The following SYT16 variants were observed in gnomAD, a reference collection of about 807,000 sequenced individuals.
SYT16 encodes the protein synaptotagmin-16.
In SYT16, 42 loss-of-function variants were observed where a neutral mutation model predicts 61.4. The observed-to-expected ratio is 0.68, with a 90% confidence interval of 0.53 to 0.89. SYT16 has a LOEUF of 0.89. Among genes scored for constraint, SYT16 ranks in the 40% least tolerant of loss-of-function variants. The pLI is 0.00. For synonymous variants in SYT16, 314 were observed against 302.3 expected, an observed-to-expected ratio of 1.04 and a Z score of -0.40; for missense variants, 804 against 807.3, an observed-to-expected ratio of 1.00 and a Z score of 0.05.
At chr14:61,831,901 G>A in intron 1 of SYT16, 4 of 487,938 alleles carry the variant, frequency 8.2e-6, no homozygotes, top group Non-Finnish European at 1.6e-5. Flanking sequence ...CCACTTGGCT[G>A]GCGAAGCCCT....
chr14:61,827,488 T>C lies in SYT16; in HGVS notation c.-325+14678T>C, dbSNP rs548390445. On this transcript the variant is annotated intron_variant, in intron 1 of 7. Coordinates refer to ENST00000683842, the MANE Select transcript of SYT16 (RefSeq NM_001367656.1). ...TTGGTTTTTACCTTAAAAAAATACT[T>C]TTCTCTAAGAAATCTGAGGTGCAGC... is the stretch of plus-strand genomic sequence containing the variant. Among the ~76,000 whole-genome samples, 14 of 152,358 alleles carry C rather than the reference T, an allele frequency of 9.2e-5. No individual in the cohort carries two copies. The South Asian group carries it at 1.2e-3, about 14-fold the overall frequency.
intron 2 of SYT16, among the ~76,000 whole-genome samples, chr14:61,979,774 C>A (rs2051986709): frequency 6.6e-6 from 1 of 151,942 alleles, no homozygotes. Flanking sequence ...CCCTGCTACC[C>A]AGGAGGCTGA....
intron 1 of SYT16, among the ~76,000 whole-genome samples, chr14:61,885,956 C>T (rs979426435): frequency 3.3e-5 from 5 of 150,712 alleles, no homozygotes; most frequent in African/African-American, 1.2e-4. Flanking sequence ...GTTGAGGAGG[C>T]TGTGGCAATT....
At chr14:61,964,360 C>A (rs545263924) in intron 1 of SYT16, among the ~76,000 whole-genome samples, 18 of 152,116 alleles carry the variant, frequency 1.2e-4, no homozygotes, top group African/African-American at 3.9e-4. Flanking sequence ...TGATTCTAAC[C>A]CTCTTGGATG....
intron 2 of SYT16, among the ~76,000 whole-genome samples, chr14:61,985,319 A>C (rs2052257511): frequency 1.3e-5 from 2 of 152,190 alleles, no homozygotes; most frequent in South Asian, 2.1e-4. Flanking sequence ...AGAGACTTTC[A>C]ATTTATGAAT....
At chr14:61,858,628 C>T (rs895981990) in intron 1 of SYT16, among the ~76,000 whole-genome samples, 16 of 152,236 alleles carry the variant, frequency 1.1e-4, no homozygotes, top group African/African-American at 2.9e-4. Flanking sequence ...TGGCATAAGT[C>T]GCACCAAGGA....
chr14:62,047,183 C>T (rs1471067537), intron 3 of SYT16, among the ~76,000 whole-genome samples: 1 of 152,126 alleles, frequency 6.6e-6, no homozygotes, highest in Non-Finnish European at 1.5e-5. Flanking sequence ...TTGAAGAGGT[C>T]CTTCACATCC....
Position 61,812,769 on chromosome 14 carries a change from CGGCCGTCGGGCAGCCCCCT to C in SYT16, c.-365_-347del. Reference sequence around the variant, plus strand: ...TCGGCGCCGGTTTCCCGAACCTGGGCGGCCGTCGGGCAGCCCCCTCGTCCGACCATGGCGACTGACAGTG... The same window carrying C: ...TCGGCGCCGGTTTCCCGAACCTGGGCCGTCCGACCATGGCGACTGACAGTG... On this transcript the variant is annotated 5_prime_UTR_variant, in exon 1 of 8. Coordinates refer to ENST00000683842, the MANE Select transcript of SYT16 (RefSeq NM_001367656.1). 6.6e-6 allele frequency: 1 copy of C among 151,564 alleles called. No homozygotes were observed. The highest frequency in any genetic ancestry group is 6.6e-5 in the Admixed American group (1 of 15,230). 9.4% of individuals were successfully genotyped at this position (151,564 alleles called of 1,614,324 possible).
intron 1 of SYT16, among the ~76,000 whole-genome samples, chr14:61,885,192 G>A (rs1473830116): frequency 6.6e-6 from 1 of 152,102 alleles, no homozygotes; most frequent in Non-Finnish European, 1.5e-5. Flanking sequence ...TAAGATCATG[G>A]GCTCTTGAAC....
At chr14:62,085,668 C>T (rs879265895) in intron 7 of SYT16, among the ~76,000 whole-genome samples, 1 of 152,100 alleles carries the variant, frequency 6.6e-6, no homozygotes, top group Non-Finnish European at 1.5e-5. Flanking sequence ...TCTTGTTAGT[C>T]AACTTGTATG....
chr14:61,909,022 C>T (rs570181916), intron 1 of SYT16, among the ~76,000 whole-genome samples: 6 of 152,244 alleles, frequency 3.9e-5, no homozygotes, highest in Admixed American at 3.9e-4. Context: ...GGAGGTCTCC[C>T]TGTATTGTCC....
intron 3 of SYT16, among the ~76,000 whole-genome samples, chr14:62,049,575 T>A (rs1217254003): frequency 6.6e-6 from 1 of 152,236 alleles, no homozygotes; most frequent in Non-Finnish European, 1.5e-5. Context: ...CTAGCCTTGA[T>A]GGTCTTTACA....
chr14:61,945,340 A>T lies in SYT16; in HGVS notation c.-324-24792A>T, dbSNP rs2050380739. ...AAGACAGTGTGGTGATTCCTCAAGG[A>T]TCTAGAACCAGAAATACCATTTGAC... On this transcript the variant is annotated intron_variant, in intron 1 of 7. Transcript: ENST00000683842. Among the ~76,000 whole-genome samples the T allele has an allele frequency of 5.3e-5, 8 of 152,200 alleles. No individual in the cohort carries two copies. The South Asian group carries it at 1.7e-3, about 32-fold the overall frequency.
chr14:61,871,223 G>T (rs1436340431), intron 1 of SYT16, among the ~76,000 whole-genome samples: 37 of 151,388 alleles, frequency 2.4e-4, no homozygotes, highest in Non-Finnish European at 5.9e-5. Flanking sequence ...AGTATTTTTT[G>T]CCCACTGGCT....
chr14:61,963,020 ACTG>A (rs1260439656), intron 1 of SYT16, among the ~76,000 whole-genome samples: 7 of 152,230 alleles, frequency 4.6e-5, no homozygotes. Context: ...AATTTCTAGA[ACTG>A]CAATAGTGTC....
intron 3 of SYT16, among the ~76,000 whole-genome samples, chr14:62,050,194 C>T (rs185447763): frequency 3.9e-5 from 6 of 152,274 alleles, no homozygotes; most frequent in Non-Finnish European, 7.3e-5. Context: ...TTTCTCTAAA[C>T]TTCTCTTCTC....
chr14:61,904,949 A>AG (rs141640434), intron 1 of SYT16, among the ~76,000 whole-genome samples: 1,557 of 152,350 alleles, frequency 0.01, 31 homozygotes, highest in African/African-American at 0.036. Context: ...AAGGAGGTGA[A>AG]GGAATAATCA....
chr14:62,091,045 A>G (rs1389004998), intron 7 of SYT16, among the ~76,000 whole-genome samples: 2 of 152,180 alleles, frequency 1.3e-5, no homozygotes, highest in Non-Finnish European at 2.9e-5. Context: ...GGGAGCCACA[A>G]TTCAAGATGA....
intron 7 of SYT16, among the ~76,000 whole-genome samples, chr14:62,091,894 TAATAG>T (rs564529545): frequency 5.9e-5 from 9 of 152,052 alleles, no homozygotes; most frequent in African/African-American, 2.2e-4. Context: ...CATCAAAAGA[TAATAG>T]AGTAAACAGA....
Sources: gnomAD v4.1 joint callset for allele counts (sites outside exome capture counted in the v4.1 genomes callset) on GRCh38, gnomAD v4.1.1 for gene constraint, MANE v1.5 for transcripts, NCBI Gene and HGNC (gene_info 2026-07-23, HGNC 2026-07-21) for gene names.